Variants in LRRC7 observed in about 807,000 individuals in gnomAD.
LRRC7 encodes leucine rich repeat containing 7, also known as leucine-rich repeat-containing protein 7.
In LRRC7, 23 loss-of-function variants were observed where a neutral mutation model predicts 175.7. The observed-to-expected ratio is 0.13, with a 90% CI of 0.09 to 0.19. LRRC7 has a LOEUF of 0.19. Among genes scored for constraint, LRRC7 ranks in the 10% least tolerant of loss-of-function variants. The pLI is 1.00. For synonymous variants in LRRC7, 685 were observed against 680.9 expected (o/e 1.01, Z -0.09); for missense variants, 1,354 against 1,904.7 (o/e 0.71, Z 5.38).
At chr1:69,592,540 G>A (rs1397923523) in intron 1 of LRRC7, among the ~76,000 whole-genome samples, 1 of 152,010 alleles carries the variant, frequency 6.6e-6, no homozygotes, top group African/African-American at 2.4e-5. Flanking sequence ...CATCTAGCTG[G>A]CGAAGATCGC....
chr1:69,889,956 T>C (rs1645783525), intron 7 of LRRC7, among the ~76,000 whole-genome samples: 1 of 152,224 alleles, frequency 6.6e-6, no homozygotes, highest in African/African-American at 2.4e-5. Context: ...ATCTTCAGGC[T>C]CCACTTCTAA....
chr1:70,018,835 A>C lies in LRRC7; in HGVS notation c.1420+17A>C. 1 of 1,570,094 alleles carries C rather than the reference A, an allele frequency of 6.4e-7. No individual in the cohort carries two copies. Among genetic ancestry groups the C allele is most frequent in the African/African-American group, 1.4e-5 (1 of 74,036 alleles). On this transcript the variant is annotated intron_variant, in intron 15 of 26. Transcript: ENST00000651989. The stretch of plus-strand genomic sequence containing the variant: ...GTGATGAAGGTAAATTGTCAGTAGA[A>C]ATTTCTTCTCTACTTATAATGATTA...
At position 70,093,985 on chromosome 1, in the gene LRRC7, C is replaced by T. The variant is rs115060561; in HGVS notation, c.4545+4166C>T. 2.8e-3 allele frequency among the ~76,000 whole-genome samples: 424 copies of T among 152,238 alleles called. 2 individuals are homozygous for T. Among genetic ancestry groups the T allele is most frequent in the African/African-American group, 9.7e-3 (403 of 41,560 alleles). On this transcript the variant is annotated intron_variant, in intron 25 of 26. Transcript: ENST00000651989. ...GCAAATGAGAGAATTTTTAATGATG[C>T]ATTCACAAAACTCATCATTCAGGGA...
chr1:69,734,775 G>A (rs116336557), intron 2 of LRRC7, among the ~76,000 whole-genome samples: 1,605 of 151,830 alleles, frequency 0.011, 38 homozygotes, highest in African/African-American at 0.037. Context: ...GAAGCAATTA[G>A]CAATAGAAAT....
rs888549760 is a variant in LRRC7, at chr1:70,133,727, G to C, written c.*11840G>C. ...AGAAACCACTTTCTCAGTGAGGCTTGATTGTTTAAAGTTTTGATGTTCCTT... is the reference window on the plus strand; with the variant it reads ...AGAAACCACTTTCTCAGTGAGGCTTCATTGTTTAAAGTTTTGATGTTCCTT... On this transcript the variant is annotated 3_prime_UTR_variant, in exon 27 of 27. Coordinates refer to ENST00000651989, the MANE Select transcript of LRRC7 (RefSeq NM_001370785.2). 6.6e-6 allele frequency among the ~76,000 whole-genome samples: 1 copy of C among 152,152 alleles called. No homozygotes were observed. The highest frequency in any genetic ancestry group is 1.5e-5 in the Non-Finnish European group (1 of 68,016).
At chr1:69,609,476 A>T (rs1269263541) in intron 1 of LRRC7, among the ~76,000 whole-genome samples, 1 of 152,066 alleles carries the variant, frequency 6.6e-6, no homozygotes, top group African/African-American at 2.4e-5. Context: ...AGAAAGAAAA[A>T]AATAAAAATG....
At chr1:69,666,441 G>T (rs1057385028) in intron 1 of LRRC7, among the ~76,000 whole-genome samples, 2 of 152,014 alleles carry the variant, frequency 1.3e-5, no homozygotes, top group Non-Finnish European at 2.9e-5. Flanking sequence ...ATACCATTCG[G>T]TCCTAGGCTT....
chr1:70,080,772 C>T (rs185992816), intron 24 of LRRC7, among the ~76,000 whole-genome samples: 104 of 152,244 alleles, frequency 6.8e-4, no homozygotes, highest in Middle Eastern at 3.4e-3. Flanking sequence ...AGTGCATAAA[C>T]CGTTTAGATT....
intron 7 of LRRC7, among the ~76,000 whole-genome samples, chr1:69,847,877 T>A (rs1435317085): frequency 6.6e-6 from 1 of 152,164 alleles, no homozygotes; most frequent in Admixed American, 6.6e-5. Flanking sequence ...GCAGAATGAC[T>A]GCTCACAGCT....
intron 7 of LRRC7, among the ~76,000 whole-genome samples, chr1:69,877,549 T>C (rs563511938): frequency 1.3e-5 from 2 of 152,290 alleles, no homozygotes; most frequent in African/African-American, 2.4e-5. Context: ...AGTGTACAAT[T>C]CAATATTTTT....
At chr1:69,991,422 C>A (rs1288984163) in intron 10 of LRRC7, among the ~76,000 whole-genome samples, 1 of 152,088 alleles carries the variant, frequency 6.6e-6, no homozygotes, top group East Asian at 1.9e-4. Flanking sequence ...GTAGCTTACT[C>A]CTTGAACTAT....
At chr1:69,618,322 C>T (rs1478668552) in intron 1 of LRRC7, among the ~76,000 whole-genome samples, 1 of 152,112 alleles carries the variant, frequency 6.6e-6, no homozygotes, top group African/African-American at 2.4e-5. Context: ...GTTTCAGGTT[C>T]CTAGTTTCTT....
chr1:69,929,467 G>GTCA (rs1195140259), intron 7 of LRRC7, among the ~76,000 whole-genome samples: 1 of 152,098 alleles, frequency 6.6e-6, no homozygotes, highest in Non-Finnish European at 1.5e-5. Context: ...TTTAGTCACA[G>GTCA]TCAGCTCTCA....
intron 4 of LRRC7, among the ~76,000 whole-genome samples, chr1:69,821,513 C>T (rs1679293772): frequency 6.6e-6 from 1 of 151,914 alleles, no homozygotes; most frequent in Non-Finnish European, 1.5e-5. Flanking sequence ...CATCTGTGCC[C>T]TCTTGTAGCT....
intron 3 of LRRC7, 139 bp downstream of exon 3, chr1:69,760,532 A>G (rs914550052): frequency 3.3e-5 from 23 of 695,726 alleles, no homozygotes; most frequent in Non-Finnish European, 5.1e-5. Context: ...ACTTCCCCCA[A>G]TATTCTCATT....
In LRRC7 at chr1:69,683,391, T is replaced by C. The variant is rs899848063; in HGVS notation, c.100+4913T>C. Among the ~76,000 whole-genome samples the C allele has an allele frequency of 3.9e-5, 6 of 152,250 alleles. No individual in the cohort carries two copies. The Middle Eastern group carries it at 0.01, about 259-fold the overall frequency. ...AACCCTCCTTATCTTAAAATAACCC[T>C]ATGGTTTTCCATTGCTCATTCAAGA... On this transcript the variant is annotated intron_variant, in intron 2 of 26. Coordinates refer to ENST00000651989, the MANE Select transcript of LRRC7 (RefSeq NM_001370785.2).
At chr1:69,735,788 T>G (rs1463932682) in intron 2 of LRRC7, among the ~76,000 whole-genome samples, 1 of 151,908 alleles carries the variant, frequency 6.6e-6, no homozygotes, top group African/African-American at 2.4e-5. Context: ...CTCGCCCCTT[T>G]CTCTTTCTCT....
chr1:70,072,267 T>C (rs1027975481), intron 23 of LRRC7, among the ~76,000 whole-genome samples: 7 of 152,212 alleles, frequency 4.6e-5, no homozygotes, highest in South Asian at 4.1e-4. Flanking sequence ...CATGTTCAAA[T>C]TCCCCTTCAG....
Position 69,811,869 on chromosome 1 carries a change from T to C in LRRC7, c.422-13879T>C, listed in dbSNP as rs552643835. 1.0e-3 allele frequency among the ~76,000 whole-genome samples: 133 copies of C among 130,242 alleles called. 1 individual carries two copies. Among genetic ancestry groups the C allele is most frequent in the Non-Finnish European group, 1.2e-3 (65 of 52,792 alleles). The allele number at this position is 130,242 out of a possible 152,430, so 85.4% of individuals were successfully genotyped here. ...AACCACCATGGCACGTGTATACCTA[T>C]GTAACAAACCTGCACATTCTGTGCA... On this transcript the variant is annotated intron_variant, in intron 4 of 26. Transcript: ENST00000651989.
Sources: allele counts gnomAD v4.1 joint callset (sites outside exome capture counted in the v4.1 genomes callset), GRCh38; gene constraint gnomAD v4.1.1; transcripts MANE v1.5; gene names NCBI Gene and HGNC (gene_info 2026-07-23, HGNC 2026-07-21).